STX7: variants seen among roughly 807,000 people sequenced by gnomAD.
The protein encoded by STX7 is syntaxin-7.
Under a neutral mutation model 39.6 loss-of-function variants are expected in STX7, and 34 were observed. The ratio of observed to expected loss-of-function variants is 0.86; its 90% CI spans 0.65 to 1.14. The LOEUF is 1.14. Among genes scored for constraint, STX7 ranks in the 50% most tolerant of loss-of-function variants. STX7 has a pLI of 0.00. For missense variants in STX7, 284 were observed against 310.4 expected (o/e 0.92, Z 0.64); for synonymous variants, 119 against 99.1 (o/e 1.20, Z -1.19).
In STX7 at chr6:132,460,668, G is replaced by A; in HGVS notation, c.*90C>T. ...TATGGGAACCATCCTTTATACAATA[G>A]CTTTAAAATAATAATTAAAAAAACA... On this transcript the variant is annotated 3_prime_UTR_variant, in exon 10 of 10. Transcript: ENST00000367941. 9.5e-7 allele frequency: 1 copy of A among 1,048,078 alleles called. No individual in the cohort carries two copies. The highest frequency in any genetic ancestry group is 1.4e-6 in the Non-Finnish European group (1 of 720,488). The allele number at this position is 1,048,078 out of a possible 1,614,324, so 64.9% of individuals were successfully genotyped here.
chr6:132,466,897 T>A (rs1234398522), intron 8 of STX7, among the ~76,000 whole-genome samples: 1 of 152,162 alleles, frequency 6.6e-6, no homozygotes, highest in Non-Finnish European at 1.5e-5. Context: ...TTAAATTAAC[T>A]CTTTCTTTCA....
rs113837073 is a variant in STX7 at position 132,447,517 on chromosome 6, C to G, written c.*13241G>C. The G allele has an allele frequency of 6.6e-6, 1 of 151,890 alleles. No homozygotes were observed. The allele number at this position is 151,890 out of a possible 1,614,324, so 9.4% of individuals were successfully genotyped here. On this transcript the variant is annotated 3_prime_UTR_variant, in exon 10 of 10. Transcript: ENST00000367941. The stretch of plus-strand genomic sequence containing the variant: ...TTGTTCTATTTACTTTTTTGCTGCT[C>G]GAGCTAAAAATTGAGTGACTTCAAA...
chr6:132,470,681 G>A lies in STX7; in HGVS notation c.388-55C>T, dbSNP rs199599553. 4.6e-6 allele frequency: 6 copies of A among 1,302,386 alleles called. No homozygotes were observed. In the East Asian group the frequency reaches 1.4e-4, roughly 30 times the overall value. 80.7% of individuals were successfully genotyped at this position (1,302,386 alleles called of 1,614,324 possible). Reference sequence around the variant, plus strand: ...GAAGGGGCAAAAAAAGCAAAAATGAGAAAAAATAAACACTCATATTTTCCC... The same window carrying A: ...GAAGGGGCAAAAAAAGCAAAAATGAAAAAAAATAAACACTCATATTTTCCC... On this transcript the variant is annotated intron_variant, in intron 5 of 9. Coordinates refer to ENST00000367941, the MANE Select transcript of STX7 (RefSeq NM_003569.3).
chr6:132,496,286 G>C (rs184194029), intron 2 of STX7, among the ~76,000 whole-genome samples: 1 of 151,920 alleles, frequency 6.6e-6, no homozygotes, highest in Non-Finnish European at 1.5e-5. Flanking sequence ...ACTCAAATGC[G>C]AGAATTCACA....
At chr6:132,480,752 G>C (rs1251776413) in intron 2 of STX7, among the ~76,000 whole-genome samples, 2 of 152,226 alleles carry the variant, frequency 1.3e-5, no homozygotes, top group African/African-American at 4.8e-5. Context: ...CAGAGGTGCT[G>C]AAAGAAGGCA....
chr6:132,506,393 A>T (rs2114481892), intron 1 of STX7, among the ~76,000 whole-genome samples: 1 of 152,258 alleles, frequency 6.6e-6, no homozygotes, highest in East Asian at 1.9e-4. Context: ...AACTCAAACA[A>T]CTCAACAAAA....
chr6:132,491,425 C>T (rs559098665), intron 2 of STX7, among the ~76,000 whole-genome samples: 3 of 152,260 alleles, frequency 2.0e-5, no homozygotes, highest in South Asian at 4.2e-4. Flanking sequence ...GACCCCATGA[C>T]AAGAAGCACA....
At chr6:132,474,265 C>T (rs1324014797) in intron 3 of STX7, among the ~76,000 whole-genome samples, 4 of 145,992 alleles carry the variant, frequency 2.7e-5, no homozygotes, top group Non-Finnish European at 6.0e-5. Flanking sequence ...TTAGTGACTA[C>T]GGATATATAT....
At position 132,464,058 on chromosome 6, in the gene STX7, C is replaced by T. The variant is rs773375272; in HGVS notation, c.628G>A (p.Val210Met). 1 of 1,614,060 alleles carries T rather than the reference C, an allele frequency of 6.2e-7. No individual in the cohort carries two copies. Among genetic ancestry groups the T allele is most frequent in the Non-Finnish European group, 8.5e-7 (1 of 1,179,958 alleles). ...TGAACGTGCACCTCTGCATTTTCCA[C>T]ATTGGCTTCTATGCTATCTGTAAAA... ...GDVIDSIEANVENAEVHVQQA... is the reference protein window; with the variant it reads ...GDVIDSIEANMENAEVHVQQA... Residue 210 changes from valine (V) to methionine (M), a missense_variant, in exon 9 of 10, where the codon GTG becomes ATG. Coordinates refer to ENST00000367941, the MANE Select transcript of STX7 (RefSeq NM_003569.3).
In STX7 at chr6:132,447,829, T is replaced by A. The variant is rs1008519059; in HGVS notation, c.*12929A>T. 2.0e-5 allele frequency: 3 copies of A among 152,078 alleles called. No individual in the cohort carries two copies. The highest frequency in any genetic ancestry group is 2.1e-4 in the South Asian group (1 of 4,822). 9.4% of individuals were successfully genotyped at this position (152,078 alleles called of 1,614,324 possible). On this transcript the variant is annotated 3_prime_UTR_variant, in exon 10 of 10. Coordinates refer to ENST00000367941, the MANE Select transcript of STX7 (RefSeq NM_003569.3). ...ATTGAACAAGGTAGACTTTTTTTTT[T>A]ATTAATCTGGTGAGATAGGCAATTT... is the stretch of plus-strand genomic sequence containing the variant.
rs1217083034 is a variant in STX7, at chr6:132,456,991, C to T, written c.*3767G>A. ...TTCAAAATCTCTTGCAAGGCACTGG[C>T]TTTGGAGCTATTAACAGCTGACAGC... On this transcript the variant is annotated 3_prime_UTR_variant, in exon 10 of 10. Coordinates refer to ENST00000367941, the MANE Select transcript of STX7 (RefSeq NM_003569.3). 6 of 152,316 alleles carry T rather than the reference C, an allele frequency of 3.9e-5. No homozygotes were observed. Among genetic ancestry groups the T allele is most frequent in the African/African-American group, 7.2e-5 (3 of 41,442 alleles). 9.4% of individuals were successfully genotyped at this position (152,316 alleles called of 1,614,324 possible).
chr6:132,472,866 G>C (rs562672805), intron 3 of STX7, among the ~76,000 whole-genome samples: 1 of 89,198 alleles, frequency 1.1e-5, no homozygotes, highest in African/African-American at 4.0e-5. Flanking sequence ...AAAAAAAGGC[G>C]GGGGGGAGGG....
At chr6:132,493,928 A>G (rs1027229400) in intron 2 of STX7, among the ~76,000 whole-genome samples, 5 of 152,238 alleles carry the variant, frequency 3.3e-5, no homozygotes, top group Non-Finnish European at 2.9e-5. Flanking sequence ...ATGTGTAATC[A>G]AAGAGAAACT....
At position 132,500,660 on chromosome 6, in the gene STX7, A is replaced by G. The variant is rs139199381; in HGVS notation, c.85+2786T>C. ...GACCTTATAGATTGTTTACTGCTAC[A>G]TTCCTACAGTTTGGAACAGTATCTA... On this transcript the variant is annotated intron_variant, in intron 2 of 9. Coordinates refer to ENST00000367941, the MANE Select transcript of STX7 (RefSeq NM_003569.3). Among the ~76,000 whole-genome samples the G allele has an allele frequency of 3.3e-3, 496 of 152,352 alleles. 9 individuals carry two copies. Among genetic ancestry groups the G allele is most frequent in the Non-Finnish European group, 8.2e-4 (56 of 68,032 alleles).
chr6:132,508,772 A>G (rs773274584), intron 1 of STX7, among the ~76,000 whole-genome samples: 10 of 152,128 alleles, frequency 6.6e-5, no homozygotes, highest in Non-Finnish European at 1.3e-4. Context: ...TCAGCCTCCC[A>G]AAGTGCTGGG....
intron 9 of STX7, among the ~76,000 whole-genome samples, chr6:132,462,189 C>T (rs530996402): frequency 6.6e-6 from 1 of 152,332 alleles, no homozygotes; most frequent in South Asian, 2.1e-4. Context: ...TAATGAGACC[C>T]TGGGGCAATG....
rs924183639 is a variant in STX7, at chr6:132,458,416, A to C, written c.*2342T>G. 1.3e-5 allele frequency: 2 copies of C among 152,188 alleles called. No homozygotes were observed. The highest frequency in any genetic ancestry group is 2.9e-5 in the Non-Finnish European group (2 of 68,038). 9.4% of individuals were successfully genotyped at this position (152,188 alleles called of 1,614,324 possible). ...AAACCATAGTATTTAACGACCAATAAACAGCCAAATACCTAATGCCACATT... is the reference window on the plus strand; with the variant it reads ...AAACCATAGTATTTAACGACCAATACACAGCCAAATACCTAATGCCACATT... On this transcript the variant is annotated 3_prime_UTR_variant, in exon 10 of 10. Transcript: ENST00000367941.
At chr6:132,500,052 T>A (rs1775517485) in intron 2 of STX7, among the ~76,000 whole-genome samples, 1 of 152,118 alleles carries the variant, frequency 6.6e-6, no homozygotes, top group African/African-American at 2.4e-5. Context: ...AACACACTCA[T>A]TGCTTCTCTC....
intron 8 of STX7, among the ~76,000 whole-genome samples, chr6:132,466,064 G>A (rs567103408): frequency 6.6e-6 from 1 of 152,150 alleles, no homozygotes; most frequent in Non-Finnish European, 1.5e-5. Context: ...CCTTGAAAGA[G>A]TTATCTATAC....
Sources: gnomAD v4.1 joint callset for allele counts (sites outside exome capture counted in the v4.1 genomes callset) on GRCh38, gnomAD v4.1.1 for gene constraint, MANE v1.5 for transcripts, NCBI Gene and HGNC (gene_info 2026-07-23, HGNC 2026-07-21) for gene names.